PDE4D: variants seen among roughly 807,000 people sequenced by gnomAD.
The protein encoded by PDE4D is phosphodiesterase 4D, also known as 3',5'-cyclic-AMP phosphodiesterase 4D.
A neutral mutation model predicts 87.4 loss-of-function variants in PDE4D; 24 were observed. That is an observed-to-expected ratio of 0.27 (90% CI 0.20 to 0.39). The LOEUF is 0.39. PDE4D is among the 10% of genes least tolerant of loss of function. The pLI is 1.00. For synonymous variants in PDE4D, 384 were observed against 383.2 expected (o/e 1.00, Z -0.02); for missense variants, 714 against 1,041.0 (o/e 0.69, Z 4.32).
chr5:59,408,120 A>C (rs1327697190), intron 1 of PDE4D, among the ~76,000 whole-genome samples: 1 of 152,230 alleles, frequency 6.6e-6, no homozygotes, highest in African/African-American at 2.4e-5. Flanking sequence ...GAGATCTTCT[A>C]GGCAGCTCCT....
chr5:60,354,814 TTC>T (rs2149936431), intron 1 of PDE4D, among the ~76,000 whole-genome samples: 1 of 152,318 alleles, frequency 6.6e-6, no homozygotes, highest in East Asian at 1.9e-4. Context: ...ATTTATTTCA[TTC>T]TGTTGGACAC....
At chr5:60,299,020 T>A (rs1362096354) in intron 1 of PDE4D, among the ~76,000 whole-genome samples, 1 of 152,254 alleles carries the variant, frequency 6.6e-6, no homozygotes, top group African/African-American at 2.4e-5. Flanking sequence ...AAGTTCATAC[T>A]TTAATATTAA....
intron 1 of PDE4D, among the ~76,000 whole-genome samples, chr5:60,363,091 G>A (rs1760218004): frequency 6.6e-6 from 1 of 152,034 alleles, no homozygotes; most frequent in Non-Finnish European, 1.5e-5. Flanking sequence ...ATGCAGATAG[G>A]CTCAAAGCAA....
At chr5:59,192,519 C>A (rs1172835582) in intron 3 of PDE4D, among the ~76,000 whole-genome samples, 1 of 152,084 alleles carries the variant, frequency 6.6e-6, no homozygotes, top group African/African-American at 2.4e-5. Context: ...CCAGCTCAGT[C>A]CCCTAACTCT....
At chr5:60,011,640 G>C (rs1342379625) in intron 2 of PDE4D, among the ~76,000 whole-genome samples, 5 of 152,100 alleles carry the variant, frequency 3.3e-5, no homozygotes, top group Non-Finnish European at 5.9e-5. Flanking sequence ...CTTTTCTGCT[G>C]TTGTACCACA....
Position 59,568,249 on chromosome 5 carries a change from T to C in PDE4D, c.455+324919A>G, listed in dbSNP as rs138472258. ...AGAAATAGTACCCAATGGCCAAAGC[T>C]GGAACAATTTCACAGCACGATTAGT... On this transcript the variant is annotated intron_variant, in intron 1 of 14. Transcript: ENST00000340635. 1.9e-3 allele frequency among the ~76,000 whole-genome samples: 286 copies of C among 152,256 alleles called. 1 individual carries two copies. Among genetic ancestry groups the C allele is most frequent in the African/African-American group, 6.5e-3 (271 of 41,544 alleles).
chr5:59,968,384 A>G (rs911054597), intron 3 of PDE4D, among the ~76,000 whole-genome samples: 5 of 152,140 alleles, frequency 3.3e-5, no homozygotes, highest in Middle Eastern at 3.2e-3. Flanking sequence ...GCACACGTGG[A>G]CATATGTATA....
chr5:59,994,905 C>T lies in PDE4D; in HGVS notation c.43-6188G>A, dbSNP rs374724467. 6.6e-5 allele frequency among the ~76,000 whole-genome samples: 10 copies of T among 152,270 alleles called. No individual in the cohort carries two copies. The South Asian group carries it at 2.1e-3, about 32-fold the overall frequency. On this transcript the variant is annotated intron_variant, in intron 2 of 16. Coordinates refer to the PDE4D transcript ENST00000502484. ...TTAATCATTTATTGAGCACCTACTA[C>T]CTTTGATGCTTGTGTCGGGTACTGA... is the stretch of plus-strand genomic sequence containing the variant.
intron 1 of PDE4D, among the ~76,000 whole-genome samples, chr5:59,341,501 A>T (rs2153581988): frequency 6.6e-6 from 1 of 152,312 alleles, no homozygotes; most frequent in South Asian, 2.1e-4. Context: ...TACAAAGTTA[A>T]ATTCTGTAAA....
In PDE4D at chr5:60,055,613, T is replaced by C. The variant is rs190263058; in HGVS notation, c.43-66896A>G. On this transcript the variant is annotated intron_variant, in intron 2 of 16. Coordinates refer to the PDE4D transcript ENST00000502484. ...GCATACTATAAGATAGCAACACATG[T>C]GCTTTGTACTAAGCACTTTCATATA... Among the ~76,000 whole-genome samples, 515 of 152,262 alleles carry C rather than the reference T, an allele frequency of 3.4e-3. 3 individuals are homozygous for C. Among genetic ancestry groups the C allele is most frequent in the Non-Finnish European group, 6.2e-3 (421 of 68,004 alleles).
At position 60,091,720 on chromosome 5, in the gene PDE4D, A is replaced by G. The variant is rs138613068; in HGVS notation, c.42+93837T>C. Among the ~76,000 whole-genome samples the G allele has an allele frequency of 1.8e-4, 28 of 152,324 alleles. 1 individual carries two copies. Among genetic ancestry groups the G allele is most frequent in the African/African-American group, 2.4e-5 (1 of 41,582 alleles). The stretch of plus-strand genomic sequence containing the variant: ...CAGCACTATCCACAATAGCCAAGAT[A>G]TGGAAGCAACCTATATACCTATCAG... On this transcript the variant is annotated intron_variant, in intron 2 of 16. Transcript: ENST00000502484.
At chr5:59,367,371 G>A (rs961649018) in intron 1 of PDE4D, among the ~76,000 whole-genome samples, 14 of 152,106 alleles carry the variant, frequency 9.2e-5, no homozygotes, top group African/African-American at 3.1e-4. Context: ...GTAATAGAAT[G>A]ATAGATGTTT....
chr5:59,377,129 C>G (rs1266858591), intron 1 of PDE4D, among the ~76,000 whole-genome samples: 1 of 151,992 alleles, frequency 6.6e-6, no homozygotes, highest in Non-Finnish European at 1.5e-5. Flanking sequence ...GTGAAGATGT[C>G]CTGACAGGCC....
At chr5:59,769,939 C>T (rs557235239) in intron 1 of PDE4D, among the ~76,000 whole-genome samples, 12 of 152,060 alleles carry the variant, frequency 7.9e-5, no homozygotes, top group Non-Finnish European at 1.8e-4. Flanking sequence ...CCCCTGGTTG[C>T]TCCATTTTAA....
rs1403280068 is a variant in PDE4D at position 59,530,878 on chromosome 5, G to C, written c.456-314910C>G. Among the ~76,000 whole-genome samples, 6 of 152,302 alleles carry C rather than the reference G, an allele frequency of 3.9e-5. No homozygotes were observed. In the South Asian group the frequency reaches 6.2e-4, roughly 16 times the overall value. ...TTGAGATCCCTTTGAAGGGGTATAA[G>C]CTGTTGGTTGATAATGATGTTGAGT... On this transcript the variant is annotated intron_variant, in intron 1 of 14. Coordinates refer to ENST00000340635, the MANE Select transcript of PDE4D (RefSeq NM_001104631.2).
chr5:60,392,280 T>C (rs1278408709), intron 1 of PDE4D, among the ~76,000 whole-genome samples: 2 of 152,206 alleles, frequency 1.3e-5, no homozygotes, highest in African/African-American at 2.4e-5. Flanking sequence ...AAATTGGCAA[T>C]GTCACACTCA....
chr5:59,587,395 A>G (rs1825324837), intron 1 of PDE4D: 1 of 958,132 alleles, frequency 1.0e-6, no homozygotes. Flanking sequence ...AATAGGTGTC[A>G]TTTATTCTGA....
chr5:59,935,350 C>A (rs1486413082), intron 3 of PDE4D, among the ~76,000 whole-genome samples: 1 of 151,850 alleles, frequency 6.6e-6, no homozygotes, highest in Non-Finnish European at 1.5e-5. Context: ...ACAAGGAGAG[C>A]TTTTTAGGAA....
intron 1 of PDE4D, among the ~76,000 whole-genome samples, chr5:60,486,529 A>C (rs1441546008): frequency 6.6e-6 from 1 of 152,184 alleles, no homozygotes; most frequent in Non-Finnish European, 1.5e-5. Flanking sequence ...AAAGGGGATA[A>C]TATTTCAGAA....
Sources: gnomAD v4.1 joint callset for allele counts (sites outside exome capture counted in the v4.1 genomes callset) on GRCh38, gnomAD v4.1.1 for gene constraint, MANE v1.5 for transcripts, NCBI Gene and HGNC (gene_info 2026-07-23, HGNC 2026-07-21) for gene names.